NRXN1: variants seen among roughly 807,000 people sequenced by gnomAD.
NRXN1 encodes the protein neurexin-1.
NRXN1 carries 39 observed loss-of-function variants against 150.9 expected under a neutral mutation model. The observed-to-expected ratio is 0.26, with a 90% CI of 0.20 to 0.34. NRXN1 has a LOEUF of 0.34. Ranked by LOEUF, NRXN1 falls within the 10% of genes least tolerant of loss-of-function variation. NRXN1 has a pLI of 1.00. For missense variants in NRXN1, 1,815 were observed against 1,949.9 expected (o/e 0.93, Z 1.30); for synonymous variants, 924 against 757.0 (o/e 1.22, Z -3.62).
At chr2:50,000,594 G>T (rs1683750892) in intron 21 of NRXN1, among the ~76,000 whole-genome samples, 1 of 152,132 alleles carries the variant, frequency 6.6e-6, no homozygotes. Context: ...AATTTACACA[G>T]ATTTATATAA....
At chr2:50,878,079 T>C (rs1243160760) in intron 5 of NRXN1, among the ~76,000 whole-genome samples, 2 of 151,934 alleles carry the variant, frequency 1.3e-5, no homozygotes, top group South Asian at 2.1e-4. Context: ...AGGAGGCAAG[T>C]GGCTGTGAGA....
chr2:50,369,584 T>G (rs2079861331), intron 17 of NRXN1, among the ~76,000 whole-genome samples: 1 of 152,014 alleles, frequency 6.6e-6, no homozygotes, highest in Non-Finnish European at 1.5e-5. Context: ...GCTTTCAATC[T>G]GGAAAAGTAG....
At chr2:50,701,308 T>C (rs1466290727) in intron 5 of NRXN1, among the ~76,000 whole-genome samples, 1 of 152,168 alleles carries the variant, frequency 6.6e-6, no homozygotes, top group Non-Finnish European at 1.5e-5. Flanking sequence ...TTATTATTAT[T>C]ATATTGACTC....
At chr2:50,434,671 T>A (rs1301293892) in intron 17 of NRXN1, among the ~76,000 whole-genome samples, 5 of 151,986 alleles carry the variant, frequency 3.3e-5, no homozygotes, top group African/African-American at 1.2e-4. Flanking sequence ...AAACAATTTT[T>A]TAAAAAAAAT....
chr2:50,587,816 C>T (rs1175028947), intron 8 of NRXN1, among the ~76,000 whole-genome samples: 1 of 151,918 alleles, frequency 6.6e-6, no homozygotes, highest in Non-Finnish European at 1.5e-5. Flanking sequence ...TGAAAAAAAG[C>T]TTGAAGAATC....
chr2:50,162,608 A>T (rs1222416054), intron 18 of NRXN1, among the ~76,000 whole-genome samples: 1 of 152,150 alleles, frequency 6.6e-6, no homozygotes, highest in Non-Finnish European at 1.5e-5. Context: ...AATTCACTCC[A>T]TAAAAAAGAC....
chr2:50,916,684 T>C (rs1460635526), intron 5 of NRXN1: 1 of 151,636 alleles, frequency 6.6e-6, no homozygotes, highest in African/African-American at 2.4e-5. Context: ...CTTTCTGTGC[T>C]CCTCTCTGAG....
intron 15 of NRXN1, among the ~76,000 whole-genome samples, chr2:50,476,646 A>C (rs2090013572): frequency 6.6e-6 from 1 of 152,136 alleles, no homozygotes; most frequent in Non-Finnish European, 1.5e-5. Context: ...GGAGAAGTAT[A>C]GTTTATCTCC....
At chr2:50,239,738 A>G (rs986669489) in intron 17 of NRXN1, among the ~76,000 whole-genome samples, 1 of 124,454 alleles carries the variant, frequency 8.0e-6, no homozygotes, top group Non-Finnish European at 1.7e-5. Context: ...TATTTCTGTT[A>G]TCATAACCAG....
At chr2:50,815,751 T>C (rs1247675645) in intron 5 of NRXN1, among the ~76,000 whole-genome samples, 4 of 152,174 alleles carry the variant, frequency 2.6e-5, no homozygotes, top group Non-Finnish European at 5.9e-5. Context: ...CTGGCCTAAC[T>C]GGTCTTCATA....
intron 18 of NRXN1, among the ~76,000 whole-genome samples, chr2:50,128,983 C>CGATAAATAAATAAATA (rs34350062): frequency 8.8e-5 from 13 of 146,904 alleles, no homozygotes; most frequent in African/African-American, 3.1e-4. Flanking sequence ...GACTCCATCT[C>CGATAAATAAATAAATA]AATAAATAAA....
At chr2:50,870,359 C>T (rs987242190) in intron 5 of NRXN1, among the ~76,000 whole-genome samples, 8 of 151,764 alleles carry the variant, frequency 5.3e-5, no homozygotes. Context: ...GGTGGGTGCT[C>T]GTTATGTTGT....
At chr2:50,038,771 T>TTTCC (rs562881405) in intron 21 of NRXN1, among the ~76,000 whole-genome samples, 3,202 of 67,612 alleles carry the variant, frequency 0.047, 190 homozygotes, top group African/African-American at 0.16. Flanking sequence ...CCCTCCCTCC[T>TTTCC]TTCCTTCCTT....
At chr2:50,139,601 AAAAAC>A (rs532913936) in intron 18 of NRXN1, among the ~76,000 whole-genome samples, 42 of 152,212 alleles carry the variant, frequency 2.8e-4, no homozygotes, top group African/African-American at 9.2e-4. Flanking sequence ...AAAGAGAGGA[AAAAAC>A]AAAACAAAAC....
At chr2:50,480,079 CT>C (rs2090347538) in intron 15 of NRXN1, among the ~76,000 whole-genome samples, 1 of 152,114 alleles carries the variant, frequency 6.6e-6, no homozygotes, top group African/African-American at 2.4e-5. Flanking sequence ...GGCCTGATCC[CT>C]TTCTTAAACA....
At chr2:50,283,883 G>A (rs540845647) in intron 17 of NRXN1, among the ~76,000 whole-genome samples, 23 of 152,152 alleles carry the variant, frequency 1.5e-4, no homozygotes, top group Admixed American at 8.5e-4. Context: ...TAGATTTGGA[G>A]AACTCTAGGT....
At chr2:49,964,378 G>C (rs890314216) in intron 21 of NRXN1, among the ~76,000 whole-genome samples, 2 of 151,980 alleles carry the variant, frequency 1.3e-5, no homozygotes, top group Non-Finnish European at 1.5e-5. Context: ...TCAGGAGTTC[G>C]AGACCAGACT....
intron 17 of NRXN1, among the ~76,000 whole-genome samples, chr2:50,455,382 T>C (rs1203962651): frequency 6.6e-6 from 1 of 152,186 alleles, no homozygotes; most frequent in Non-Finnish European, 1.5e-5. Flanking sequence ...AGGTTGCATT[T>C]AGAACTCAGG....
intron 5 of NRXN1, among the ~76,000 whole-genome samples, chr2:50,765,399 A>G (rs1702267451): frequency 6.6e-6 from 1 of 152,168 alleles, no homozygotes; most frequent in Non-Finnish European, 1.5e-5. Flanking sequence ...GTCCCTACAA[A>G]AGAAAAAAGA....
Sources: allele counts gnomAD v4.1 joint callset (sites outside exome capture counted in the v4.1 genomes callset), GRCh38; gene constraint gnomAD v4.1.1; transcripts MANE v1.5; gene names NCBI Gene and HGNC (gene_info 2026-07-23, HGNC 2026-07-21).